GFI1: variants seen among roughly 807,000 people sequenced by gnomAD.
The protein encoded by GFI1 is zinc finger protein Gfi-1.
In GFI1, 15 loss-of-function variants were observed where a neutral mutation model predicts 39.2. The observed-to-expected ratio is 0.38, with a 90% CI of 0.26 to 0.59. The LOEUF is 0.59. GFI1 is among the 20% of genes least tolerant of loss of function. The pLI, the probability that GFI1 is intolerant of heterozygous loss-of-function variation, is 0.62. For missense variants in GFI1, 475 were observed against 574.0 expected (o/e 0.83, Z 1.76); for synonymous variants, 239 against 254.3 (o/e 0.94, Z 0.57).
chr1:92,483,680 A>G (rs890790824), intron 1 of GFI1, 94 bp from the exon 2 acceptor site: 1 of 636,830 alleles, frequency 1.6e-6, no homozygotes, highest in Non-Finnish European at 2.9e-6. Context: ...CGGGCCAGGG[A>G]GGCGCGCAGA....
At position 92,480,547 on chromosome 1, in the gene GFI1, C is replaced by T. The variant is rs1658179962; in HGVS notation, c.786+54G>A. 6.5e-7 allele frequency: 1 copy of T among 1,544,594 alleles called. No homozygotes were observed. Among genetic ancestry groups the T allele is most frequent in the East Asian group, 2.4e-5 (1 of 40,868 alleles). On this transcript the variant is annotated intron_variant, in intron 4 of 6. Transcript: ENST00000294702. This position sits in a 1 kb window ranked among gnomAD's most constrained non-coding sequence, Gnocchi z 5.6. Reference sequence around the variant, plus strand: ...GGGGCCGCGGGGCGCAGGCGAGGCGCGGGTAGGGGAAGCGGGCGCACGGCA... The same window carrying T: ...GGGGCCGCGGGGCGCAGGCGAGGCGTGGGTAGGGGAAGCGGGCGCACGGCA...
Position 92,482,811 on chromosome 1 carries a change from G to A in GFI1, c.298+53C>T. On this transcript the variant is annotated intron_variant, in intron 3 of 6. Coordinates refer to ENST00000294702, the MANE Select transcript of GFI1 (RefSeq NM_005263.5). The surrounding 1 kb of genome is among the most constrained non-coding windows in gnomAD (Gnocchi z 4.4). ...CCAAGGTCGCGCCAATTCCCCCCCA[G>A]CACTGCCGGGTCCCTGCAGCTCCCG... The A allele has an allele frequency of 7.1e-7, 1 of 1,418,418 alleles. No homozygotes were observed. Among genetic ancestry groups the A allele is most frequent in the Non-Finnish European group, 1.0e-6 (1 of 1,002,834 alleles). 87.9% of individuals were successfully genotyped at this position (1,418,418 alleles called of 1,614,324 possible).
intron 6 of GFI1, among the ~76,000 whole-genome samples, chr1:92,476,984 T>C (rs1026882480): frequency 6.6e-6 from 1 of 152,224 alleles, no homozygotes; most frequent in African/African-American, 2.4e-5. Context: ...CAAGAAGGTT[T>C]TGTCTTGTTC....
At chr1:92,483,728 C>T in intron 1 of GFI1, 142 bp from the exon 2 acceptor site, 2 of 541,032 alleles carry the variant, frequency 3.7e-6, no homozygotes, top group Non-Finnish European at 3.3e-6. Context: ...TGCTGCGCCG[C>T]GCTTACCAGG....
chr1:92,485,668 C>T lies in GFI1; in HGVS notation c.-100+1058G>A, dbSNP rs930013191. Among the ~76,000 whole-genome samples the T allele has an allele frequency of 2.0e-5, 3 of 152,210 alleles. No individual in the cohort carries two copies. In the East Asian group the frequency reaches 5.8e-4, roughly 29 times the overall value. On this transcript the variant is annotated intron_variant, in intron 1 of 6. Coordinates refer to ENST00000294702, the MANE Select transcript of GFI1 (RefSeq NM_005263.5). ...CCCTCCGCGCGCTCAGGCCTCTCCT[C>T]ACCGTCCGGGCCCAGGAAGGAGGGA... is the stretch of plus-strand genomic sequence containing the variant.
In GFI1 at chr1:92,484,459, C is replaced by T. The variant is rs956439234; in HGVS notation, c.-99-873G>A. On this transcript the variant is annotated intron_variant, in intron 1 of 6. Transcript: ENST00000294702. This position sits in a 1 kb window ranked among gnomAD's most constrained non-coding sequence, Gnocchi z 4.1. ...CGTTCTGCTCACCAAAAAATCTTGT[C>T]CTAGGGAGGTGGAGCCCGATCCACG... 2.6e-5 allele frequency: 4 copies of T among 152,270 alleles called. No homozygotes were observed. Among genetic ancestry groups the T allele is most frequent in the Non-Finnish European group, 5.9e-5 (4 of 68,106 alleles). 9.4% of individuals were successfully genotyped at this position (152,270 alleles called of 1,614,324 possible).
intron 5 of GFI1, 36 bp from the exon 6 acceptor site, chr1:92,478,789 GAGAGAT>G: frequency 2.8e-6 from 4 of 1,449,962 alleles, no homozygotes; most frequent in Non-Finnish European, 3.9e-6. Context: ...GAGAGAGAGA[GAGAGAT>G]GCAGAACTCC....
chr1:92,475,985 C>A lies in GFI1; in HGVS notation c.*44G>T, dbSNP rs1277463159. 6 of 1,585,842 alleles carry A rather than the reference C, an allele frequency of 3.8e-6. No homozygotes were observed. The highest frequency in any genetic ancestry group is 5.2e-6 in the Non-Finnish European group (6 of 1,157,644). On this transcript the variant is annotated 3_prime_UTR_variant, in exon 7 of 7. Coordinates refer to ENST00000294702, the MANE Select transcript of GFI1 (RefSeq NM_005263.5). ...AGTGGTGGCAAGCAGGGAGGCTGCCCTCTGTAGTGTTGTGTAGCTGCTGCT... is the reference window on the plus strand; with the variant it reads ...AGTGGTGGCAAGCAGGGAGGCTGCCATCTGTAGTGTTGTGTAGCTGCTGCT...
chr1:92,481,117 C>A lies in GFI1; in HGVS notation c.299-29G>T. 6.3e-7 allele frequency: 1 copy of A among 1,593,150 alleles called. No individual in the cohort carries two copies. The highest frequency in any genetic ancestry group is 8.6e-7 in the Non-Finnish European group (1 of 1,166,178). On this transcript the variant is annotated intron_variant, in intron 3 of 6. Coordinates refer to ENST00000294702, the MANE Select transcript of GFI1 (RefSeq NM_005263.5). This position sits in a 1 kb window ranked among gnomAD's most constrained non-coding sequence, Gnocchi z 4.3. ...TGGAGGCACAAGGGGAGCGTCCGGT[C>A]AGGCTTCAGACGGCAGAGCGGAGGC...
In GFI1 at chr1:92,483,365, C is replaced by T. The variant is rs774875013; in HGVS notation, c.115+8G>A. Reference sequence around the variant, plus strand: ...AGCAGCCCCGCCTGGCCCGCGCGCGCCTCGCACCTGCTCGGCTAGGCGCCG... The same window carrying T: ...AGCAGCCCCGCCTGGCCCGCGCGCGTCTCGCACCTGCTCGGCTAGGCGCCG... On this transcript the variant is annotated splice_region_variant and intron_variant, in intron 2 of 6. Transcript: ENST00000294702. 1.2e-5 allele frequency: 18 copies of T among 1,546,440 alleles called. No homozygotes were observed. The highest frequency in any genetic ancestry group is 1.6e-5 in the Non-Finnish European group (18 of 1,121,052).
chr1:92,477,367 A>C (rs890855488), intron 6 of GFI1, among the ~76,000 whole-genome samples: 1 of 152,258 alleles, frequency 6.6e-6, no homozygotes, highest in African/African-American at 2.4e-5. Context: ...AGAGGGAATG[A>C]TTAAAGTAGA....
Position 92,482,737 on chromosome 1 carries a change from C to T in GFI1, c.298+127G>A. ...GATGCCTCCTTCCCCTACGAATCAG[C>T]TCCCTTCTCCCGGAAAGACTCTCCA... On this transcript the variant is annotated intron_variant, in intron 3 of 6. Transcript: ENST00000294702. The surrounding 1 kb of genome is among the most constrained non-coding windows in gnomAD (Gnocchi z 4.4). 1 of 775,830 alleles carries T rather than the reference C, an allele frequency of 1.3e-6. No homozygotes were observed. Among genetic ancestry groups the T allele is most frequent in the South Asian group, 1.5e-5 (1 of 67,974 alleles). 48.1% of individuals were successfully genotyped at this position (775,830 alleles called of 1,614,324 possible).
In GFI1 at chr1:92,483,552, T is replaced by C. The variant is rs972227733; in HGVS notation, c.-65A>G. On this transcript the variant is annotated 5_prime_UTR_variant, in exon 2 of 7. Coordinates refer to ENST00000294702, the MANE Select transcript of GFI1 (RefSeq NM_005263.5). ...TGGAGCCGCTGTCACCCACGGTCAC[T>C]CCGAGGGCTTGCTCAGCCCCAGCCC... The C allele has an allele frequency of 2.1e-5, 19 of 926,344 alleles. No homozygotes were observed. The East Asian group carries it at 4.9e-4, about 24-fold the overall frequency. 57.4% of individuals were successfully genotyped at this position (926,344 alleles called of 1,614,324 possible).
rs1265035118 is a variant in GFI1 at position 92,482,803 on chromosome 1, C to T, written c.298+61G>A. 4.0e-5 allele frequency: 53 copies of T among 1,323,822 alleles called. No individual in the cohort carries two copies. Among genetic ancestry groups the T allele is most frequent in the Non-Finnish European group, 5.7e-5 (52 of 918,316 alleles). 82.0% of individuals were successfully genotyped at this position (1,323,822 alleles called of 1,614,324 possible). On this transcript the variant is annotated intron_variant, in intron 3 of 6. Coordinates refer to ENST00000294702, the MANE Select transcript of GFI1 (RefSeq NM_005263.5). The surrounding 1 kb of genome is among the most constrained non-coding windows in gnomAD (Gnocchi z 4.4). ...TTCTACGCCCAAGGTCGCGCCAATTCCCCCCCAGCACTGCCGGGTCCCTGC... is the reference window on the plus strand; with the variant it reads ...TTCTACGCCCAAGGTCGCGCCAATTTCCCCCCAGCACTGCCGGGTCCCTGC...
At position 92,475,890 on chromosome 1, in the gene GFI1, C is replaced by T; in HGVS notation, c.*139G>A. On this transcript the variant is annotated 3_prime_UTR_variant, in exon 7 of 7. Coordinates refer to ENST00000294702, the MANE Select transcript of GFI1 (RefSeq NM_005263.5). ...AGGAGGTAAGGCGAAGGAGGAGCAA[C>T]CTGGTAGGATCTGCAGACTGGACCT... 1 of 775,262 alleles carries T rather than the reference C, an allele frequency of 1.3e-6. No individual in the cohort carries two copies. The highest frequency in any genetic ancestry group is 2.2e-6 in the Non-Finnish European group (1 of 455,936). 48.0% of individuals were successfully genotyped at this position (775,262 alleles called of 1,614,324 possible). A position where few individuals can be genotyped will look rare whatever the true frequency, so the allele number is the denominator to read the frequency against.
rs781673313 is a variant in GFI1, at chr1:92,480,915, C to A, written c.472G>T (p.Ala158Ser). Residue 158 changes from alanine to serine, a missense_variant, in exon 4 of 7, where the codon GCC (alanine) becomes TCC (serine). By Grantham distance (99) the Ala-to-Ser change is moderately conservative. Transcript: ENST00000294702. The surrounding 1 kb of genome is among the most constrained non-coding windows in gnomAD (Gnocchi z 5.6). ...GAGLGLFCEP[A>S]PEPGHPAALY... ...GCGGCCGGGTGGCCAGGCTCCGGGG[C>A]GGGTTCGCAGAAGAGGCCCAGGCCA... 1.9e-6 allele frequency: 3 copies of A among 1,551,860 alleles called. No homozygotes were observed. The highest frequency in any genetic ancestry group is 2.4e-5 in the East Asian group (1 of 41,098).
intron 1 of GFI1, among the ~76,000 whole-genome samples, chr1:92,486,523 G>GC (rs150037086): frequency 0.74 from 72,770 of 97,782 alleles, 25,032 homozygotes; most frequent in East Asian, 0.89. Flanking sequence ...TCGGTCACCC[G>GC]CCCCCCCCAC....
intron 2 of GFI1, 84 bp from the exon 3 acceptor site, chr1:92,483,130 G>A (rs1463452071): frequency 2.3e-6 from 3 of 1,285,234 alleles, no homozygotes; most frequent in African/African-American, 1.5e-5. Context: ...CCCCCGACCA[G>A]GGCAGCCGAG....
In GFI1 at chr1:92,474,847, C is replaced by T. The variant is rs1657883503; in HGVS notation, c.*1182G>A. On this transcript the variant is annotated 3_prime_UTR_variant, in exon 7 of 7. Transcript: ENST00000294702. Reference sequence around the variant, plus strand: ...TAATGCTTACCAGAAGATCTAAAAACATTTACCAACCTCATCAAAGTGAAA... The same window carrying T: ...TAATGCTTACCAGAAGATCTAAAAATATTTACCAACCTCATCAAAGTGAAA... The T allele has an allele frequency of 1.3e-5, 2 of 152,584 alleles. No homozygotes were observed. The highest frequency in any genetic ancestry group is 4.8e-5 in the African/African-American group (2 of 41,434). 9.5% of individuals were successfully genotyped at this position (152,584 alleles called of 1,614,324 possible).
Sources: gnomAD v4.1 joint callset for allele counts (sites outside exome capture counted in the v4.1 genomes callset) on GRCh38, gnomAD v4.1.1 for gene constraint, Gnocchi (gnomAD v3.1) non-coding constraint, MANE v1.5 for transcripts, NCBI Gene and HGNC (gene_info 2026-07-23, HGNC 2026-07-21) for gene names.